The following AGO4 variants were observed in gnomAD, a reference collection of about 807,000 sequenced individuals.
AGO4 encodes the protein argonaute RISC component 4, also known as protein argonaute-4.
In AGO4, 33 loss-of-function variants were observed where a neutral mutation model predicts 104.7. The ratio of observed to expected loss-of-function variants is 0.32; its 90% confidence interval spans 0.24 to 0.42. The LOEUF (loss-of-function observed/expected upper bound fraction) is 0.42. AGO4 is among the 10% of genes least tolerant of loss of function. The pLI is 1.00. For synonymous variants in AGO4, 331 were observed against 364.7 expected (o/e 0.91, Z 1.05); for missense variants, 711 against 1,083.4 (o/e 0.66, Z 4.83).
At chr1:35,827,708 T>A (rs985199458) in intron 7 of AGO4, among the ~76,000 whole-genome samples, 1 of 152,116 alleles carries the variant, frequency 6.6e-6, no homozygotes, top group African/African-American at 2.4e-5. Context: ...GATTAACTTT[T>A]ATTTAATCTA....
rs142432459 is a variant in AGO4 at position 35,827,790 on chromosome 1, C to CTTTT, written c.848+972_848+975dup. On this transcript the variant is annotated intron_variant, in intron 7 of 17. Transcript: ENST00000373210. ...TTTTTTTTATTATACTGTTGTTATT[C>CTTTT]TTTTTTTTTTTTTTTTTTTTCTTTT... Among the ~76,000 whole-genome samples the CTTTT allele has an allele frequency of 5.1e-4, 53 of 103,848 alleles. 1 individual carries two copies. The highest frequency in any genetic ancestry group is 8.8e-4 in the East Asian group (3 of 3,406). The allele number at this position is 103,848 out of a possible 152,430, so 68.1% of individuals were successfully genotyped here. A position where few individuals can be genotyped will look rare whatever the true frequency, so the allele number is the denominator to read the frequency against.
At chr1:35,808,000 C>T (rs889756876), upstream of AGO4, among the ~76,000 whole-genome samples, 3 of 151,070 alleles carry the variant, frequency 2.0e-5, no homozygotes, top group African/African-American at 7.3e-5. Flanking sequence ...GCTCTGCACC[C>T]TCCGGGCGCG....
At chr1:35,853,450 T>G (rs1428414538) in intron 17 of AGO4, 47 bp from the exon 18 acceptor site, 12 of 1,537,616 alleles carry the variant, frequency 7.8e-6, no homozygotes, top group South Asian at 3.6e-5. Flanking sequence ...TTTGGTTTTT[T>G]GTTTGTTTGT....
intron 15 of AGO4, among the ~76,000 whole-genome samples, chr1:35,847,053 A>G (rs1247179005): frequency 6.7e-6 from 1 of 150,164 alleles, no homozygotes. Context: ...TATATAACCT[A>G]TGCACATCCT....
In AGO4 at chr1:35,838,803, G is replaced by T. The variant is rs137962219; in HGVS notation, c.1725-2362G>T. Among the ~76,000 whole-genome samples the T allele has an allele frequency of 7.2e-5, 11 of 152,206 alleles. 1 individual carries two copies. The highest frequency in any genetic ancestry group is 2.4e-4 in the African/African-American group (10 of 41,520). ...TAACTTGAAAGTGTTGTTTTTCTGT[G>T]AAATACTATGTGTGAAAGTGATTTG... is the stretch of plus-strand genomic sequence containing the variant. On this transcript the variant is annotated intron_variant, in intron 13 of 17. Transcript: ENST00000373210.
At position 35,841,221 on chromosome 1, in the gene AGO4, C is replaced by T; in HGVS notation, c.1781C>T (p.Pro594Leu). The T allele has an allele frequency of 6.2e-7, 1 of 1,614,056 alleles. No individual in the cohort carries two copies. The highest frequency in any genetic ancestry group is 8.5e-7 in the Non-Finnish European group (1 of 1,179,910). ...IFLGADVTHP[P>L]AGDGKKPSIA... Reference sequence around the variant, plus strand: ...CTGGGAGCGGATGTCACACACCCCCCAGCAGGGGATGGGAAGAAACCTTCC... The same window carrying T: ...CTGGGAGCGGATGTCACACACCCCCTAGCAGGGGATGGGAAGAAACCTTCC... The change falls in exon 14 of 18, where the codon CCA (proline) becomes CTA (leucine). Residue 594 changes from proline (P) to leucine (L), a missense_variant. Physicochemically the swap from Pro to Leu is moderately conservative, Grantham distance 98 (BLOSUM62 -3). Around this residue, in one of 3 missense-constraint regions of AGO4, gnomAD observed 401 missense variants for 665.5 expected, o/e 0.60. Coordinates refer to ENST00000373210, the MANE Select transcript of AGO4 (RefSeq NM_017629.4). The surrounding 1 kb of genome is among the most constrained non-coding windows in gnomAD (Gnocchi z 4.7).
intron 15 of AGO4, among the ~76,000 whole-genome samples, chr1:35,847,570 G>A (rs1644602289): frequency 1.3e-5 from 2 of 152,242 alleles, no homozygotes; most frequent in East Asian, 3.9e-4. Flanking sequence ...CACATTCAAA[G>A]CCATCCTGGG....
intron 15 of AGO4, among the ~76,000 whole-genome samples, chr1:35,846,908 C>T (rs1472871292): frequency 6.6e-6 from 1 of 151,640 alleles, no homozygotes; most frequent in African/African-American, 2.4e-5. Context: ...GTAAGCAAGG[C>T]GTGGTGGTGC....
intron 13 of AGO4, among the ~76,000 whole-genome samples, chr1:35,838,518 AT>A (rs1644367272): frequency 6.6e-6 from 1 of 152,192 alleles, no homozygotes; most frequent in South Asian, 2.1e-4. Flanking sequence ...GAAAATGTTA[AT>A]AGGACTGAGT....
chr1:35,835,862 T>G lies in AGO4; in HGVS notation c.1593T>G (p.Leu531=). The G allele has an allele frequency of 1.2e-6, 2 of 1,613,366 alleles. No individual in the cohort carries two copies. The highest frequency in any genetic ancestry group is 8.5e-7 in the Non-Finnish European group (1 of 1,179,790). ...YAEVKRVGDT[L]LGMATQCVQV... is the part of the protein sequence containing the mutation. ...AGGTGAAACGTGTTGGAGATACCCT[T>G]CTAGGTATGGCCACACAGTGTGTCC... Residue 531 remains leucine (L), a synonymous_variant, in exon 13 of 18, where the codon CTT becomes CTG. Coordinates refer to ENST00000373210, the MANE Select transcript of AGO4 (RefSeq NM_017629.4).
At chr1:35,823,775 G>T (rs922761305) in intron 3 of AGO4, among the ~76,000 whole-genome samples, 6 of 145,014 alleles carry the variant, frequency 4.1e-5, no homozygotes, top group Non-Finnish European at 7.5e-5. Flanking sequence ...GTACAGATGG[G>T]GTTTCACCAT....
rs1273901242 is a variant in AGO4 at position 35,808,633 on chromosome 1, T to C, written c.19+198T>C. On this transcript the variant is annotated intron_variant, in intron 1 of 17. Coordinates refer to ENST00000373210, the MANE Select transcript of AGO4 (RefSeq NM_017629.4). This position sits in a 1 kb window ranked among gnomAD's most constrained non-coding sequence, Gnocchi z 5.2. ...GACCGCGCCCCAGCCGGCCGTTGGG[T>C]GGATCCCGAGGTCCAGGGGGGAGGT... 6.6e-6 allele frequency among the ~76,000 whole-genome samples: 1 copy of C among 151,532 alleles called. No homozygotes were observed. The highest frequency in any genetic ancestry group is 2.4e-5 in the African/African-American group (1 of 41,242).
At chr1:35,846,134 C>A (rs1048698199) in intron 15 of AGO4, among the ~76,000 whole-genome samples, 3 of 152,186 alleles carry the variant, frequency 2.0e-5, no homozygotes, top group Non-Finnish European at 4.4e-5. Flanking sequence ...CAAAGCATGT[C>A]TAAACCTTCT....
At chr1:35,846,573 G>T (rs1051047714) in intron 15 of AGO4, among the ~76,000 whole-genome samples, 1 of 149,060 alleles carries the variant, frequency 6.7e-6, no homozygotes, top group Non-Finnish European at 1.5e-5. Flanking sequence ...CTCCAGCCTG[G>T]GAGACAGAGT....
chr1:35,814,125 GGAAGGAAGGAAA>G (rs927096665), intron 1 of AGO4, among the ~76,000 whole-genome samples: 4 of 150,134 alleles, frequency 2.7e-5, no homozygotes, highest in Admixed American at 6.7e-5. Flanking sequence ...AAAAAAGGAA[GGAAGGAAGGAAA>G]GAAGGAAGGA....
intron 7 of AGO4, among the ~76,000 whole-genome samples, chr1:35,827,550 T>C (rs1247546812): frequency 2.6e-5 from 4 of 152,084 alleles, no homozygotes; most frequent in African/African-American, 9.7e-5. Flanking sequence ...TTGGTTATCT[T>C]ATACTGAAAT....
intron 1 of AGO4, among the ~76,000 whole-genome samples, chr1:35,809,788 T>C (rs1006034094): frequency 2.0e-5 from 3 of 152,172 alleles, no homozygotes; most frequent in Admixed American, 2.0e-4. Context: ...TTGAGGGTAA[T>C]AATAAGTATG....
intron 11 of AGO4, 139 bp downstream of exon 11, chr1:35,832,709 T>C: frequency 8.9e-7 from 1 of 1,128,918 alleles, no homozygotes; most frequent in Non-Finnish European, 1.2e-6. Context: ...AAAAAGACCT[T>C]GTATTATAGT....
intron 7 of AGO4, among the ~76,000 whole-genome samples, chr1:35,827,213 TAAATA>T (rs1284545813): frequency 6.6e-6 from 1 of 150,382 alleles, no homozygotes; most frequent in African/African-American, 2.5e-5. Flanking sequence ...AAAAAATTAA[TAAATA>T]AAAAGAAATT....
Sources: gnomAD v4.1 joint callset for allele counts (sites outside exome capture counted in the v4.1 genomes callset) on GRCh38, gnomAD v4.1.1 for gene constraint, gnomAD v4.1.1 regional missense constraint, Gnocchi (gnomAD v3.1) non-coding constraint, MANE v1.5 for transcripts, NCBI Gene and HGNC (gene_info 2026-07-23, HGNC 2026-07-21) for gene names.